Variants in IFT88 observed in about 807,000 individuals in gnomAD.
IFT88 encodes the protein intraflagellar transport protein 88 homolog.
IFT88 carries 74 observed loss-of-function variants against 119.5 expected under a neutral mutation model. That is an observed-to-expected ratio of 0.62 (90% CI 0.51 to 0.75). The LOEUF is 0.75. IFT88 is among the 30% of genes least tolerant of loss of function. The pLI, the probability that IFT88 is intolerant of heterozygous loss-of-function variation, is 0.00. For synonymous variants in IFT88, 279 were observed against 316.7 expected, an observed-to-expected ratio of 0.88 and a Z score of 1.26; for missense variants, 961 against 977.7, an observed-to-expected ratio of 0.98 and a Z score of 0.23.
At chr13:20,686,835 A>G (rs1172779667) in intron 24 of IFT88, among the ~76,000 whole-genome samples, 1 of 152,018 alleles carries the variant, frequency 6.6e-6, no homozygotes, top group Non-Finnish European at 1.5e-5. Flanking sequence ...TTATTTGGAG[A>G]GAAATTTTCA....
chr13:20,617,050 T>C (rs986351462), intron 14 of IFT88, among the ~76,000 whole-genome samples: 2 of 152,048 alleles, frequency 1.3e-5, no homozygotes, highest in Middle Eastern at 3.4e-3. Context: ...TTCTCGCCAT[T>C]CTCCTGCCTC....
intron 21 of IFT88, among the ~76,000 whole-genome samples, chr13:20,655,469 C>CATTT (rs1287590839): frequency 1.2e-4 from 18 of 151,000 alleles, no homozygotes; most frequent in South Asian, 4.2e-4. Context: ...AAAAACCACA[C>CATTT]ATTTATTTAT....
chr13:20,666,051 A>G (rs1484180817), intron 23 of IFT88, among the ~76,000 whole-genome samples: 1 of 152,228 alleles, frequency 6.6e-6, no homozygotes, highest in Non-Finnish European at 1.5e-5. Context: ...ACCCTTAACT[A>G]CGTAACAAGT....
Position 20,599,453 on chromosome 13 carries a change from A to G in IFT88, c.700A>G (p.Ile234Val), listed in dbSNP as rs1214139987. 1.8e-6 allele frequency: 2 copies of G among 1,122,900 alleles called. No homozygotes were observed. The highest frequency in any genetic ancestry group is 2.5e-5 in the East Asian group (1 of 40,624). The allele number at this position is 1,122,900 out of a possible 1,614,324, so 69.6% of individuals were successfully genotyped here. The change falls in exon 11 of 26, where the codon ATA becomes GTA. Residue 234 changes from isoleucine (I) to valine (V), a missense_variant and splice_region_variant. By Grantham distance (29) the Ile-to-Val change is conservative. Transcript: ENST00000351808. ...TTCATTAAATTTTTTTAAATTAGGA[A>G]TATTGAAAATGAATATGGGAAATAT... Reference protein sequence around the residue: ...VKNKMFSNAGILKMNMGNIYL... With the variant: ...VKNKMFSNAGVLKMNMGNIYL...
intron 15 of IFT88, among the ~76,000 whole-genome samples, chr13:20,627,202 C>G (rs1239037410): frequency 1.3e-5 from 2 of 152,182 alleles, no homozygotes; most frequent in African/African-American, 4.8e-5. Flanking sequence ...TCTATCCTGT[C>G]ATTTAATCAT....
Position 20,583,862 on chromosome 13 carries a change from C to T in IFT88, c.153+843C>T, listed in dbSNP as rs141428185. On this transcript the variant is annotated intron_variant, in intron 3 of 25. Transcript: ENST00000351808. ...TTTGCACATGGATATTTAGTTCTCC[C>T]AACACTATTTGCTGTACAGACCGTC... Among the ~76,000 whole-genome samples the T allele has an allele frequency of 2.5e-3, 376 of 152,156 alleles. 4 individuals carry two copies. Among genetic ancestry groups the T allele is most frequent in the African/African-American group, 8.0e-3 (333 of 41,514 alleles).
At chr13:20,580,788 C>T (rs979006207) in intron 2 of IFT88, among the ~76,000 whole-genome samples, 9 of 146,246 alleles carry the variant, frequency 6.2e-5, no homozygotes, top group African/African-American at 2.0e-4. Flanking sequence ...TGCATTGGCG[C>T]GACCTCTGCT....
At chr13:20,661,483 C>G (rs550375529) in intron 22 of IFT88, among the ~76,000 whole-genome samples, 1 of 152,272 alleles carries the variant, frequency 6.6e-6, no homozygotes, top group African/African-American at 2.4e-5. Flanking sequence ...CGCCTGTAAT[C>G]CCAGCACTTT....
intron 23 of IFT88, among the ~76,000 whole-genome samples, chr13:20,663,929 A>G (rs769130180): frequency 2.0e-5 from 3 of 152,248 alleles, no homozygotes; most frequent in Non-Finnish European, 4.4e-5. Flanking sequence ...CCTGTGGACC[A>G]TGAGAGACAG....
At chr13:20,651,058 A>C (rs1282997249) in intron 20 of IFT88, among the ~76,000 whole-genome samples, 1 of 152,074 alleles carries the variant, frequency 6.6e-6, no homozygotes, top group Non-Finnish European at 1.5e-5. Flanking sequence ...GCAGTACCAC[A>C]CTGTTTCGAT....
chr13:20,610,533 C>T (rs79133301), intron 13 of IFT88, among the ~76,000 whole-genome samples: 227 of 151,208 alleles, frequency 1.5e-3, no homozygotes, highest in African/African-American at 5.2e-3. Context: ...CATTGAACTC[C>T]GAAATGAATT....
intron 18 of IFT88, 119 bp from the exon 19 acceptor site, chr13:20,643,336 A>C (rs964685599): frequency 1.4e-6 from 1 of 720,510 alleles, no homozygotes; most frequent in Non-Finnish European, 2.2e-6. Context: ...TCCAGAGGAA[A>C]CAGTATACAA....
intron 16 of IFT88, among the ~76,000 whole-genome samples, chr13:20,634,947 C>A (rs187986614): frequency 9.0e-6 from 1 of 111,060 alleles, no homozygotes; most frequent in African/African-American, 3.4e-5. Flanking sequence ...TATCCCTCCC[C>A]CCTCCCCCCA....
intron 15 of IFT88, among the ~76,000 whole-genome samples, 187 bp from the exon 16 acceptor site, chr13:20,630,826 ATTC>A (rs1031344078): frequency 6.6e-6 from 1 of 152,122 alleles, no homozygotes; most frequent in African/African-American, 2.4e-5. Flanking sequence ...TTTCCATTTT[ATTC>A]TTTTTTATAA....
chr13:20,656,368 A>T lies in IFT88; in HGVS notation c.2006A>T (p.Asn669Ile). 7.0e-7 allele frequency: 1 copy of T among 1,421,716 alleles called. No individual in the cohort carries two copies. The highest frequency in any genetic ancestry group is 9.7e-7 in the Non-Finnish European group (1 of 1,035,778). 88.1% of individuals were successfully genotyped at this position (1,421,716 alleles called of 1,614,324 possible). The stretch of plus-strand genomic sequence containing the variant: ...TTTTTCTCTTGTTTGTTTATAGGTA[A>T]CTACCAAAAAGCATTAGATACTTAC... ...MVASCFRRSG[N>I]YQKALDTYKD... The change falls in exon 22 of 26, where the codon AAC (asparagine) becomes ATC (isoleucine). Residue 669 changes from asparagine (N) to isoleucine (I), a missense_variant. Physicochemically the swap from Asn to Ile is moderately radical, Grantham distance 149. Coordinates refer to ENST00000351808, the MANE Select transcript of IFT88 (RefSeq NM_006531.5).
In IFT88 at chr13:20,640,857, C is replaced by A. The variant is rs147750344; in HGVS notation, c.1574-433C>A. Among the ~76,000 whole-genome samples the A allele has an allele frequency of 9.8e-3, 1,479 of 151,584 alleles. 24 individuals carry two copies. The highest frequency in any genetic ancestry group is 0.034 in the African/African-American group (1,387 of 41,320). On this transcript the variant is annotated intron_variant, in intron 17 of 25. Transcript: ENST00000351808. ...CCTAACATTATTCTTTAAAAAAATC[C>A]TCAGTTGGCCGGGTGTGGTGGCTCA...
intron 11 of IFT88, among the ~76,000 whole-genome samples, chr13:20,600,977 C>G (rs2042497169): frequency 6.6e-6 from 1 of 152,098 alleles, no homozygotes; most frequent in Non-Finnish European, 1.5e-5. Flanking sequence ...GGAAGAATCT[C>G]AAAAAATTAT....
rs563190299 is a variant in IFT88 at position 20,638,054 on chromosome 13, A to G, written c.1387-278A>G. 3.9e-5 allele frequency among the ~76,000 whole-genome samples: 6 copies of G among 152,332 alleles called. No homozygotes were observed. In the South Asian group the frequency reaches 1.2e-3, roughly 32 times the overall value. ...GGGGAGTGCTGCAGCAAATGATGACATGCAATTTGGGCGTTGAGTATGGAA... is the reference window on the plus strand; with the variant it reads ...GGGGAGTGCTGCAGCAAATGATGACGTGCAATTTGGGCGTTGAGTATGGAA... On this transcript the variant is annotated intron_variant, in intron 16 of 25. Coordinates refer to ENST00000351808, the MANE Select transcript of IFT88 (RefSeq NM_006531.5).
intron 23 of IFT88, among the ~76,000 whole-genome samples, chr13:20,668,152 T>TG (rs1425570657): frequency 6.6e-6 from 1 of 152,234 alleles, no homozygotes; most frequent in East Asian, 1.9e-4. Flanking sequence ...GGTCAGCTGC[T>TG]GGGCCAGCCC....
Sources: allele counts gnomAD v4.1 joint callset (sites outside exome capture counted in the v4.1 genomes callset), GRCh38; gene constraint gnomAD v4.1.1; transcripts MANE v1.5; gene names NCBI Gene and HGNC (gene_info 2026-07-23, HGNC 2026-07-21).